ZNF683: variants seen among roughly 807,000 people sequenced by gnomAD.
ZNF683 encodes the protein zinc finger protein 683, also known as tissue-resident T-cell transcription regulator protein ZNF683.
ZNF683 carries 20 observed loss-of-function variants against 31.4 expected under a neutral mutation model. The ratio of observed to expected loss-of-function variants is 0.64; its 90% confidence interval spans 0.45 to 0.93. The LOEUF (loss-of-function observed/expected upper bound fraction) is 0.93, where lower values mean the gene tolerates loss of function less well. ZNF683 is among the 40% of genes least tolerant of loss of function. The pLI is 0.00. For missense variants in ZNF683, 621 were observed against 637.2 expected, an observed-to-expected ratio of 0.97 and a Z score of 0.27; for synonymous variants, 264 against 267.6, an observed-to-expected ratio of 0.99 and a Z score of 0.13.
At chr1:26,371,907 G>C (rs1326488221) in intron 1 of ZNF683, among the ~76,000 whole-genome samples, 2 of 152,130 alleles carry the variant, frequency 1.3e-5, no homozygotes, top group Admixed American at 6.6e-5. Flanking sequence ...ACTCCAGCCT[G>C]GGTGACAGAG....
intron 1 of ZNF683, chr1:26,370,784 T>C (rs1201316318): frequency 1.0e-6 from 1 of 962,388 alleles, no homozygotes; most frequent in East Asian, 1.2e-4. Flanking sequence ...AGGTGTTACA[T>C]TTGAAGTTGC....
chr1:26,365,832 T>A (rs987536729), intron 3 of ZNF683, among the ~76,000 whole-genome samples: 65 of 151,922 alleles, frequency 4.3e-4, no homozygotes, highest in Admixed American at 4.1e-3. Context: ...TGCTTAAGCC[T>A]AGGAATTTGA....
chr1:26,364,925 G>C lies in ZNF683; in HGVS notation c.621C>G (p.Thr207=). Residue 207 remains threonine, a synonymous_variant, in exon 4 of 6, where the codon ACC becomes ACG. Coordinates refer to ENST00000349618, the MANE Select transcript of ZNF683 (RefSeq NM_001114759.3). ...PLLLPPPHLF[T]YGALPSDQCP... Reference sequence around the variant, plus strand: ...ATTGGTCAGAAGGTAGGGCCCCATAGGTGAACAGGTGGGGTGGAGGCAGGA... The same window carrying C: ...ATTGGTCAGAAGGTAGGGCCCCATACGTGAACAGGTGGGGTGGAGGCAGGA... 1 of 1,551,126 alleles carries C rather than the reference G, an allele frequency of 6.4e-7. No homozygotes were observed. Among genetic ancestry groups the C allele is most frequent in the Non-Finnish European group, 8.7e-7 (1 of 1,152,544 alleles).
At position 26,369,264 on chromosome 1, in the gene ZNF683, A is replaced by T. The variant is rs568182803; in HGVS notation, c.-14-679T>A. 1.4e-3 allele frequency among the ~76,000 whole-genome samples: 209 copies of T among 151,690 alleles called. 1 individual carries two copies. Among genetic ancestry groups the T allele is most frequent in the Non-Finnish European group, 2.5e-3 (169 of 67,914 alleles). On this transcript the variant is annotated intron_variant, in intron 1 of 5. Transcript: ENST00000349618. ...CTTCTAAAAATAAAATAAAATAAAT[A>T]AAAAAATAAAAAATAAAAGGGAGAC... is the stretch of plus-strand genomic sequence containing the variant.
rs17852672 is a variant in ZNF683, at chr1:26,364,936, G to A, written c.610C>T (p.His204Tyr). 6.4e-7 allele frequency: 1 copy of A among 1,554,896 alleles called. No homozygotes were observed. The highest frequency in any genetic ancestry group is 2.0e-5 in the Admixed American group (1 of 50,450). ...PGYPLLLPPP[H>Y]LFTYGALPSD... is the part of the protein sequence containing the mutation. The stretch of plus-strand genomic sequence containing the variant: ...GGTAGGGCCCCATAGGTGAACAGGT[G>A]GGGTGGAGGCAGGAGAAGTGGGTAT... Residue 204 changes from histidine to tyrosine, a missense_variant, in exon 4 of 6, where the codon CAC (histidine) becomes TAC (tyrosine). Physicochemically the swap from His to Tyr is moderately conservative, Grantham distance 83 (BLOSUM62 2). Transcript: ENST00000349618.
chr1:26,371,599 C>CT (rs780820146), intron 1 of ZNF683, among the ~76,000 whole-genome samples: 1 of 129,640 alleles, frequency 7.7e-6, no homozygotes, highest in Non-Finnish European at 1.6e-5. Flanking sequence ...GACCCTGTCT[C>CT]TTTAAAAAAA....
At chr1:26,371,602 T>TAA (rs111632057) in intron 1 of ZNF683, among the ~76,000 whole-genome samples, 4 of 114,310 alleles carry the variant, frequency 3.5e-5, no homozygotes, top group African/African-American at 1.3e-4. Flanking sequence ...CCTGTCTCTT[T>TAA]AAAAAAAAAA....
intron 1 of ZNF683, among the ~76,000 whole-genome samples, chr1:26,369,112 G>A (rs2074602093): frequency 6.6e-6 from 1 of 152,014 alleles, no homozygotes; most frequent in African/African-American, 2.4e-5. Context: ...AGTCACGGTG[G>A]TGCATGCCTA....
intron 3 of ZNF683, 26 bp downstream of exon 3, chr1:26,367,567 G>T: frequency 6.5e-7 from 1 of 1,533,890 alleles, no homozygotes; most frequent in Non-Finnish European, 8.8e-7. Context: ...GCCAGGCGCA[G>T]GTGCAGCCCG....
chr1:26,365,656 C>T (rs188115637), intron 3 of ZNF683, among the ~76,000 whole-genome samples: 1 of 152,336 alleles, frequency 6.6e-6, no homozygotes, highest in Admixed American at 6.5e-5. Flanking sequence ...TAGTATTGGA[C>T]AGCACAGGTA....
chr1:26,364,616 AGGCAAGGCTGCG>A lies in ZNF683; in HGVS notation c.918_929del (p.Ala307_Pro310del), dbSNP rs751603743. The stretch of plus-strand genomic sequence containing the variant: ...TGCCATTCTTCTTTTTCAGCGGGTA[AGGCAAGGCTGCG>A]GTGCCTGTCTGGGAACTCAATGGGA... On this transcript the variant is annotated inframe_deletion, in exon 4 of 6. Coordinates refer to ENST00000349618, the MANE Select transcript of ZNF683 (RefSeq NM_001114759.3). 6.2e-7 allele frequency: 1 copy of A among 1,613,990 alleles called. No homozygotes were observed. Among genetic ancestry groups the A allele is most frequent in the Non-Finnish European group, 8.5e-7 (1 of 1,179,874 alleles).
At chr1:26,367,084 G>A (rs2074541999) in intron 3 of ZNF683, among the ~76,000 whole-genome samples, 1 of 152,110 alleles carries the variant, frequency 6.6e-6, no homozygotes, top group African/African-American at 2.4e-5. Flanking sequence ...GGCCAACATG[G>A]CAAAACCCTG....
chr1:26,365,635 C>A (rs1286734502), intron 3 of ZNF683, among the ~76,000 whole-genome samples: 1 of 152,218 alleles, frequency 6.6e-6, no homozygotes, highest in African/African-American at 2.4e-5. Flanking sequence ...ATTTACAGTG[C>A]TCAGCAGGTA....
At chr1:26,365,559 A>G (rs4354529) in intron 3 of ZNF683, among the ~76,000 whole-genome samples, 17,041 of 152,236 alleles carry the variant, frequency 0.11, 1,171 homozygotes, top group African/African-American at 0.18. Flanking sequence ...CACTGGATGC[A>G]TGACTAGATT....
At chr1:26,372,497 G>A (rs747178615) in intron 1 of ZNF683, 172 bp downstream of exon 1, 5 of 1,304,632 alleles carry the variant, frequency 3.8e-6, no homozygotes, top group Non-Finnish European at 5.1e-6. Context: ...GGACTAGGTC[G>A]ATCAGATGTC....
chr1:26,372,606 C>G, intron 1 of ZNF683, 63 bp downstream of exon 1: 1 of 1,304,826 alleles, frequency 7.7e-7, no homozygotes. Flanking sequence ...GAACACCTTG[C>G]ACAACTTCTC....
At chr1:26,369,846 T>C (rs1421307620) in intron 1 of ZNF683, among the ~76,000 whole-genome samples, 1 of 151,794 alleles carries the variant, frequency 6.6e-6, no homozygotes, top group Non-Finnish European at 1.5e-5. Flanking sequence ...ATAAATAAAT[T>C]AGCTGGGTGT....
At chr1:26,366,003 A>G (rs971617630) in intron 3 of ZNF683, among the ~76,000 whole-genome samples, 3 of 152,112 alleles carry the variant, frequency 2.0e-5, no homozygotes, top group African/African-American at 7.2e-5. Flanking sequence ...CAACATGGAG[A>G]AACCCCGTCT....
At chr1:26,374,327 T>C (rs777597136), upstream of ZNF683, 4 of 1,303,672 alleles carry the variant, frequency 3.1e-6, no homozygotes, top group Non-Finnish European at 4.0e-6. Flanking sequence ...CACACTCTGC[T>C]CCCAGCTCTC....
Sources: allele counts gnomAD v4.1 joint callset (sites outside exome capture counted in the v4.1 genomes callset), GRCh38; gene constraint gnomAD v4.1.1; transcripts MANE v1.5; gene names NCBI Gene and HGNC (gene_info 2026-07-23, HGNC 2026-07-21).